The following ACTN1 variants were observed in gnomAD, a reference collection of about 807,000 sequenced individuals.
ACTN1 encodes the protein actinin alpha 1, also known as alpha-actinin-1.
A neutral mutation model predicts 119.6 loss-of-function variants in ACTN1; 30 were observed. The ratio of observed to expected loss-of-function variants is 0.25; its 90% CI spans 0.19 to 0.34. The LOEUF (loss-of-function observed/expected upper bound fraction) is 0.34, where lower values mean the gene tolerates loss of function less well. Among genes scored for constraint, ACTN1 ranks in the 10% least tolerant of loss-of-function variants. The probability of loss-of-function intolerance (pLI) is 1.00; values close to 1 mark genes in which losing one functional copy is unlikely to be tolerated. For synonymous variants in ACTN1, 429 were observed against 472.6 expected, an observed-to-expected ratio of 0.91 and a Z score of 1.20; for missense variants, 764 against 1,223.4, an observed-to-expected ratio of 0.62 and a Z score of 5.60.
rs767353409 is a variant in ACTN1, at chr14:68,878,960, T to C, written c.2361+29A>G. The stretch of plus-strand genomic sequence containing the variant: ...TATTTCTTGCCCCAGACGCCACCCC[T>C]GAGCGTGCTCCATGCAGGAGGCGAG... On this transcript the variant is annotated intron_variant, in intron 19 of 21. Coordinates refer to ENST00000394419, the MANE Select transcript of ACTN1 (RefSeq NM_001130004.2). The surrounding 1 kb of genome is among the most constrained non-coding windows in gnomAD (Gnocchi z 4.4). 1.2e-6 allele frequency: 2 copies of C among 1,613,026 alleles called. No homozygotes were observed. The highest frequency in any genetic ancestry group is 2.2e-5 in the East Asian group (1 of 44,752).
chr14:68,898,177 A>C (rs995901364), intron 8 of ACTN1, among the ~76,000 whole-genome samples: 1 of 152,224 alleles, frequency 6.6e-6, no homozygotes, highest in Non-Finnish European at 1.5e-5. Flanking sequence ...GATCGAGTCC[A>C]AGCCTTCAAG....
intron 14 of ACTN1, 52 bp downstream of exon 14, chr14:68,884,116 G>A (rs1594757855): frequency 6.4e-6 from 10 of 1,560,064 alleles, no homozygotes; most frequent in East Asian, 2.3e-5. Flanking sequence ...CACAGAGCAT[G>A]GGCCAGGGGC....
At chr14:68,949,519 A>T (rs1002521615) in intron 1 of ACTN1, among the ~76,000 whole-genome samples, 1 of 152,206 alleles carries the variant, frequency 6.6e-6, no homozygotes, top group Admixed American at 6.5e-5. Flanking sequence ...CCCTCTGCTG[A>T]CCTGTCAACA....
chr14:68,928,462 G>A (rs1318482556), intron 1 of ACTN1, among the ~76,000 whole-genome samples: 10 of 152,060 alleles, frequency 6.6e-5, no homozygotes, highest in Admixed American at 6.6e-4. Context: ...CAAAGTTTAG[G>A]CTAGAGGAGG....
intron 1 of ACTN1, among the ~76,000 whole-genome samples, chr14:68,932,151 A>G (rs2035250245): frequency 6.6e-6 from 1 of 151,952 alleles, no homozygotes. Context: ...AAGGAGATTA[A>G]CATCTGAATC....
At chr14:68,906,996 G>GGCGC (rs2033702198) in intron 6 of ACTN1, among the ~76,000 whole-genome samples, 1 of 152,050 alleles carries the variant, frequency 6.6e-6, no homozygotes, top group South Asian at 2.1e-4. Context: ...AGGGGGGCTG[G>GGCGC]GCGCGGTGGC....
At chr14:68,914,675 A>T (rs950157472) in intron 3 of ACTN1, among the ~76,000 whole-genome samples, 1 of 152,102 alleles carries the variant, frequency 6.6e-6, no homozygotes, top group African/African-American at 2.4e-5. Context: ...CAGAGGCAGG[A>T]GGACTGGGGA....
chr14:68,903,476 G>A (rs555989421), intron 7 of ACTN1, among the ~76,000 whole-genome samples: 1 of 151,336 alleles, frequency 6.6e-6, no homozygotes, highest in South Asian at 2.1e-4. Context: ...GGCGGAGGTT[G>A]CAGTGAGCGG....
intron 1 of ACTN1, among the ~76,000 whole-genome samples, chr14:68,935,999 C>T (rs1168265122): frequency 2.0e-5 from 3 of 152,196 alleles, no homozygotes. Flanking sequence ...CTGGGACCTG[C>T]CCTGGCTCAG....
intron 12 of ACTN1, 30 bp from the exon 13 acceptor site, chr14:68,884,913 G>A (rs376456586): frequency 6.3e-5 from 98 of 1,566,518 alleles, no homozygotes; most frequent in Non-Finnish European, 8.4e-5. Flanking sequence ...GGAAGTCAGG[G>A]GACCCAGGTT....
chr14:68,893,646 G>A lies in ACTN1; in HGVS notation c.855+9C>T, dbSNP rs753343545. The A allele has an allele frequency of 6.2e-7, 1 of 1,613,732 alleles. No homozygotes were observed. Among genetic ancestry groups the A allele is most frequent in the Non-Finnish European group, 8.5e-7 (1 of 1,179,782 alleles). ...TAGAGTCAGGCCAGGTGAACCCGGGGGTACCCACATCACTGGCCAGCTTCT... is the reference window on the plus strand; with the variant it reads ...TAGAGTCAGGCCAGGTGAACCCGGGAGTACCCACATCACTGGCCAGCTTCT... On this transcript the variant is annotated intron_variant, in intron 9 of 21. Transcript: ENST00000394419.
intron 1 of ACTN1, among the ~76,000 whole-genome samples, chr14:68,973,076 C>G (rs2036942607): frequency 6.6e-6 from 1 of 152,170 alleles, no homozygotes; most frequent in Non-Finnish European, 1.5e-5. Flanking sequence ...GATAACCAGA[C>G]TTGCCCGCCA....
Position 68,885,677 on chromosome 14 carries a change from G to A in ACTN1, c.1235-102C>T. The A allele has an allele frequency of 7.4e-7, 1 of 1,353,974 alleles. No individual in the cohort carries two copies. The highest frequency in any genetic ancestry group is 1.3e-5 in the South Asian group (1 of 74,342). The allele number at this position is 1,353,974 out of a possible 1,614,324, so 83.9% of individuals were successfully genotyped here. Reference sequence around the variant, plus strand: ...CCCCAGGAGCTCCACTTCTGGGGGTGCTTCTCAAGGAGGTGCCCATTGTGC... The same window carrying A: ...CCCCAGGAGCTCCACTTCTGGGGGTACTTCTCAAGGAGGTGCCCATTGTGC... On this transcript the variant is annotated intron_variant, in intron 11 of 21. Coordinates refer to ENST00000394419, the MANE Select transcript of ACTN1 (RefSeq NM_001130004.2). This position sits in a 1 kb window ranked among gnomAD's most constrained non-coding sequence, Gnocchi z 5.6.
At chr14:68,888,912 A>G (rs1029105136) in intron 11 of ACTN1, among the ~76,000 whole-genome samples, 1 of 152,150 alleles carries the variant, frequency 6.6e-6, no homozygotes, top group Non-Finnish European at 1.5e-5. Flanking sequence ...CGGTACCAAC[A>G]AGGCTGGGGA....
Position 68,882,659 on chromosome 14 carries a change from A to AATG in ACTN1, c.1819-70_1819-68dup. The AATG allele has an allele frequency of 6.2e-7, 1 of 1,600,506 alleles. No homozygotes were observed. The highest frequency in any genetic ancestry group is 8.5e-7 in the Non-Finnish European group (1 of 1,170,970). On this transcript the variant is annotated intron_variant, in intron 15 of 21. Transcript: ENST00000394419. The surrounding 1 kb of genome is among the most constrained non-coding windows in gnomAD (Gnocchi z 4.5). Reference sequence around the variant, plus strand: ...CATCTGTCCATGTGCCAGATGAGGAAATGGAGGACCCAGAAGGGGAAGGGC... The same window carrying AATG: ...CATCTGTCCATGTGCCAGATGAGGAAATGATGGAGGACCCAGAAGGGGAAGGGC...
chr14:68,951,097 C>CCCTGG (rs2036150123), intron 1 of ACTN1, among the ~76,000 whole-genome samples: 1 of 152,156 alleles, frequency 6.6e-6, no homozygotes, highest in African/African-American at 2.4e-5. Flanking sequence ...CACAGGCCTT[C>CCCTGG]CCTGGCCCCC....
At chr14:68,945,153 G>A (rs1338635410) in intron 1 of ACTN1, among the ~76,000 whole-genome samples, 9 of 104,744 alleles carry the variant, frequency 8.6e-5, no homozygotes, top group Non-Finnish European at 1.2e-4. Flanking sequence ...AACAGAGTAA[G>A]ACTCCGGTTC....
chr14:68,906,569 A>G (rs1299806261), intron 6 of ACTN1, among the ~76,000 whole-genome samples: 1 of 152,184 alleles, frequency 6.6e-6, no homozygotes, highest in Non-Finnish European at 1.5e-5. Context: ...CAGGGCCTGG[A>G]GCAGCAGCTG....
Position 68,885,815 on chromosome 14 carries a change from G to T in ACTN1, c.1235-240C>A. ...CCAAGGCCATGAAAGTGTCTACGCAGGAAGGCTATGCAGGAGTCTGTGGGA... is the reference window on the plus strand; with the variant it reads ...CCAAGGCCATGAAAGTGTCTACGCATGAAGGCTATGCAGGAGTCTGTGGGA... On this transcript the variant is annotated intron_variant, in intron 11 of 21. Coordinates refer to ENST00000394419, the MANE Select transcript of ACTN1 (RefSeq NM_001130004.2). The surrounding 1 kb of genome is among the most constrained non-coding windows in gnomAD (Gnocchi z 5.6). The T allele has an allele frequency of 1.9e-6, 1 of 528,600 alleles. No homozygotes were observed. The highest frequency in any genetic ancestry group is 3.1e-5 in the Admixed American group (1 of 32,004). The allele number at this position is 528,600 out of a possible 1,614,324, so 32.7% of individuals were successfully genotyped here.
Sources: gnomAD v4.1 joint callset for allele counts (sites outside exome capture counted in the v4.1 genomes callset) on GRCh38, gnomAD v4.1.1 for gene constraint, Gnocchi (gnomAD v3.1) non-coding constraint, MANE v1.5 for transcripts, NCBI Gene and HGNC (gene_info 2026-07-23, HGNC 2026-07-21) for gene names.